LPP: variants seen among roughly 807,000 people sequenced by gnomAD.
The protein encoded by LPP is LIM domain containing preferred translocation partner in lipoma.
In LPP, 38 loss-of-function variants were observed where a neutral mutation model predicts 60.4. That is an observed-to-expected ratio of 0.63 (90% confidence interval 0.49 to 0.83). The LOEUF is 0.83. Ranked by LOEUF, LPP falls within the 40% of genes least tolerant of loss-of-function variation. LPP has a pLI of 0.00. For synonymous variants in LPP, 328 were observed against 290.8 expected, an observed-to-expected ratio of 1.13 and a Z score of -1.30; for missense variants, 902 against 783.6, an observed-to-expected ratio of 1.15 and a Z score of -1.80.
At chr3:188,430,871 T>A (rs1790720403) in intron 4 of LPP, among the ~76,000 whole-genome samples, 1 of 152,152 alleles carries the variant, frequency 6.6e-6, no homozygotes, top group Admixed American at 6.6e-5. Flanking sequence ...AGAAGTTATT[T>A]GTTCCAGAAT....
chr3:188,880,061 G>T lies in LPP; in HGVS notation c.*5582G>T, dbSNP rs183490870. 61 of 147,560 alleles carry T rather than the reference G, an allele frequency of 4.1e-4. No homozygotes were observed. The highest frequency in any genetic ancestry group is 8.3e-5 in the Non-Finnish European group (6 of 72,268). The allele number at this position is 147,560 out of a possible 1,614,324, so 9.1% of individuals were successfully genotyped here. A position where few individuals can be genotyped will look rare whatever the true frequency, so the allele number is the denominator to read the frequency against. On this transcript the variant is annotated 3_prime_UTR_variant, in exon 12 of 12. Transcript: ENST00000617246. ...TTTTTTTTTTTTTGAGACGGAGTCT[G>T]GCTCTGTCACCCAGGCTGGAGTGCA...
rs766522013 is a variant in LPP at position 188,485,796 on chromosome 3, CA to C, written c.306+1110del. On this transcript the variant is annotated intron_variant, in intron 5 of 11. Coordinates refer to ENST00000617246, the MANE Select transcript of LPP (RefSeq NM_001375462.1). ...TGGGCGACAGAGCGAGACTCCGTCT[CA>C]AAAAAAAAAAAAAAAAATGGAATGG... 1.5e-4 allele frequency among the ~76,000 whole-genome samples: 6 copies of C among 40,162 alleles called. No homozygotes were observed. In the South Asian group the frequency reaches 6.0e-3, roughly 40 times the overall value. The allele number at this position is 40,162 out of a possible 152,430, so 26.3% of individuals were successfully genotyped here. A position where few individuals can be genotyped will look rare whatever the true frequency, so the allele number is the denominator to read the frequency against.
chr3:188,713,469 T>A (rs1029612025), intron 8 of LPP, among the ~76,000 whole-genome samples: 1 of 152,140 alleles, frequency 6.6e-6, no homozygotes, highest in African/African-American at 2.4e-5. Context: ...AATACATCAA[T>A]GTTAATTTCA....
intron 4 of LPP, among the ~76,000 whole-genome samples, chr3:188,479,451 T>C (rs914928607): frequency 6.6e-6 from 1 of 152,194 alleles, no homozygotes; most frequent in Admixed American, 6.5e-5. Context: ...TCCCCGATGA[T>C]TGGAACATTG....
chr3:188,178,281 C>A (rs1301828451), intron 1 of LPP, among the ~76,000 whole-genome samples: 2 of 152,216 alleles, frequency 1.3e-5, no homozygotes, highest in South Asian at 2.1e-4. Context: ...TCCCAGCCCC[C>A]TCCTCATGCT....
At chr3:188,456,609 C>T (rs1322037935) in intron 4 of LPP, among the ~76,000 whole-genome samples, 4 of 152,250 alleles carry the variant, frequency 2.6e-5, no homozygotes, top group African/African-American at 7.2e-5. Flanking sequence ...TGCCTAAAGG[C>T]GTGAAAATAT....
chr3:188,862,961 C>T lies in LPP; in HGVS notation c.1411-3239C>T, dbSNP rs542847476. The stretch of plus-strand genomic sequence containing the variant: ...ATGAAGCGTGCATCTTTTTGTCTGG[C>T]TTTAAAATAATCATCTATAACACAA... On this transcript the variant is annotated intron_variant, in intron 9 of 11. Transcript: ENST00000617246. Among the ~76,000 whole-genome samples, 44 of 151,916 alleles carry T rather than the reference C, an allele frequency of 2.9e-4. No individual in the cohort carries two copies. The South Asian group carries it at 9.1e-3, about 32-fold the overall frequency.
In LPP at chr3:188,352,456, C is replaced by T. The variant is rs1482317559; in HGVS notation, c.-10+10737C>T. ...GCTGTTGATGTGGTCACGTCAGTGC[C>T]TCTTCGGGAGCTGTGTGACTGGCGA... On this transcript the variant is annotated intron_variant, in intron 3 of 11. Transcript: ENST00000617246. The surrounding 1 kb of genome is among the most constrained non-coding windows in gnomAD (Gnocchi z 4.4). 6.6e-6 allele frequency among the ~76,000 whole-genome samples: 1 copy of T among 152,210 alleles called. No homozygotes were observed. The highest frequency in any genetic ancestry group is 1.9e-4 in the East Asian group (1 of 5,192).
chr3:188,549,285 G>T (rs1478439048), intron 6 of LPP, among the ~76,000 whole-genome samples: 1 of 152,008 alleles, frequency 6.6e-6, no homozygotes, highest in Non-Finnish European at 1.5e-5. Context: ...GGCTGTGCTG[G>T]AATACATCAT....
At chr3:188,240,429 G>A (rs1723884374) in intron 2 of LPP, among the ~76,000 whole-genome samples, 2 of 150,786 alleles carry the variant, frequency 1.3e-5, no homozygotes, top group Non-Finnish European at 3.0e-5. Flanking sequence ...AAGAGGGAGA[G>A]GTCAGATTGT....
intron 7 of LPP, among the ~76,000 whole-genome samples, chr3:188,635,652 G>A (rs910621904): frequency 2.0e-5 from 3 of 152,172 alleles, no homozygotes; most frequent in Non-Finnish European, 4.4e-5. Flanking sequence ...TCAGAATCTA[G>A]AAGTTCTGGT....
intron 4 of LPP, among the ~76,000 whole-genome samples, chr3:188,420,084 T>TA (rs1787380349): frequency 1.3e-5 from 2 of 151,988 alleles, no homozygotes; most frequent in Non-Finnish European, 2.9e-5. Flanking sequence ...ATAGTTTTTT[T>TA]TAAAAAATTC....
intron 2 of LPP, among the ~76,000 whole-genome samples, chr3:188,259,295 C>G (rs572664035): frequency 4.7e-4 from 72 of 152,150 alleles, no homozygotes; most frequent in Non-Finnish European, 9.7e-4. Flanking sequence ...ACCCAAATTC[C>G]CCAGCATGAC....
At chr3:188,839,049 C>G (rs147458418) in intron 9 of LPP, among the ~76,000 whole-genome samples, 207 of 152,216 alleles carry the variant, frequency 1.4e-3, no homozygotes, top group African/African-American at 4.8e-3. Flanking sequence ...AAGTTGAAGT[C>G]AGGGTATAGG....
intron 2 of LPP, among the ~76,000 whole-genome samples, chr3:188,329,240 GGCGGA>G (rs1414557737): frequency 6.6e-6 from 1 of 152,146 alleles, no homozygotes; most frequent in Non-Finnish European, 1.5e-5. Context: ...ACAAGTTAGT[GGCGGA>G]GCTGGGACAA....
At chr3:188,532,368 T>A (rs578189582) in intron 6 of LPP, among the ~76,000 whole-genome samples, 6 of 152,166 alleles carry the variant, frequency 3.9e-5, no homozygotes, top group Non-Finnish European at 5.9e-5. Flanking sequence ...GAGGTTGCAG[T>A]GAGCCGAGAT....
chr3:188,477,539 G>A (rs1803560475), intron 4 of LPP, among the ~76,000 whole-genome samples: 1 of 152,128 alleles, frequency 6.6e-6, no homozygotes, highest in Non-Finnish European at 1.5e-5. Context: ...TAAATGGGAT[G>A]TATCCTCAAT....
intron 5 of LPP, among the ~76,000 whole-genome samples, chr3:188,491,660 G>T (rs966920436): frequency 1.3e-5 from 2 of 152,138 alleles, no homozygotes; most frequent in Admixed American, 1.3e-4. Flanking sequence ...GTTTATTAAG[G>T]CTGGGTAGGC....
chr3:188,217,617 T>C lies in LPP; in HGVS notation c.-189-7788T>C, dbSNP rs80012658. ...ATAGAAGTTGGGCAGGAGAGGTAAG[T>C]TTGGGGCATGTTTGGGAGTGATCGT... On this transcript the variant is annotated intron_variant, in intron 1 of 11. Coordinates refer to ENST00000617246, the MANE Select transcript of LPP (RefSeq NM_001375462.1). This position sits in a 1 kb window ranked among gnomAD's most constrained non-coding sequence, Gnocchi z 4.0. Among the ~76,000 whole-genome samples the C allele has an allele frequency of 2.4e-3, 369 of 152,180 alleles. 6 individuals are homozygous for C. The East Asian group carries it at 0.065, about 27-fold the overall frequency.
Sources: allele counts gnomAD v4.1 joint callset (sites outside exome capture counted in the v4.1 genomes callset), GRCh38; gene constraint gnomAD v4.1.1; non-coding constraint Gnocchi (gnomAD v3.1); transcripts MANE v1.5; gene names NCBI Gene and HGNC (gene_info 2026-07-23, HGNC 2026-07-21).